PAQR3: variants seen among roughly 807,000 people sequenced by gnomAD.
PAQR3 encodes the protein Raf kinase trapping to Golgi.
In PAQR3, 39 loss-of-function variants were observed where a neutral mutation model predicts 41.7. That is an observed-to-expected ratio of 0.93 (90% CI 0.72 to 1.22). PAQR3 has a LOEUF of 1.22. Ranked by LOEUF, PAQR3 falls within the 50% of genes most tolerant of loss-of-function variation. The pLI is 0.00. For synonymous variants in PAQR3, 140 were observed against 140.6 expected, an observed-to-expected ratio of 1.00 and a Z score of 0.03; for missense variants, 366 against 385.6, an observed-to-expected ratio of 0.95 and a Z score of 0.42.
chr4:78,910,716 T>G, downstream of PAQR3: 1 of 1,613,338 alleles, frequency 6.2e-7, no homozygotes. Context: ...ATCAGCGGAC[T>G]GGAAAGAAAA....
At chr4:78,892,775 A>G (rs530271495) in intron 11 of PAQR3, among the ~76,000 whole-genome samples, 1 of 152,296 alleles carries the variant, frequency 6.6e-6, no homozygotes, top group African/African-American at 2.4e-5. Flanking sequence ...TCTGTTAAGT[A>G]TGCAATAATA....
chr4:78,928,993 C>T (rs893771939), intron 3 of PAQR3, among the ~76,000 whole-genome samples: 3 of 152,204 alleles, frequency 2.0e-5, no homozygotes, highest in Non-Finnish European at 2.9e-5. Context: ...GAGAATCTAA[C>T]GCTGCTGCTG....
rs567623495 is a variant in PAQR3, at chr4:78,918,855, A to C, written c.*1684T>G. The C allele has an allele frequency of 3.0e-6, 3 of 984,576 alleles. No homozygotes were observed. The African/African-American group carries it at 5.2e-5, about 17-fold the overall frequency. 61.0% of individuals were successfully genotyped at this position (984,576 alleles called of 1,614,324 possible). A position where few individuals can be genotyped will look rare whatever the true frequency, so the allele number is the denominator to read the frequency against. On this transcript the variant is annotated 3_prime_UTR_variant, in exon 6 of 6. Transcript: ENST00000512733. ...AAAGGCAATAAAATCATGTAAGCCA[A>C]TAAGGGATGTTCTAGGAGAAATATA...
At chr4:78,928,796 C>T (rs926362853) in intron 3 of PAQR3, among the ~76,000 whole-genome samples, 19 of 152,208 alleles carry the variant, frequency 1.2e-4, no homozygotes, top group African/African-American at 4.1e-4. Context: ...ATTATTATTA[C>T]ATTGTAATAT....
In PAQR3 at chr4:78,912,684, T is replaced by A. The variant is rs1734713558; in HGVS notation, c.*7855A>T. On this transcript the variant is annotated 3_prime_UTR_variant, in exon 6 of 6. Coordinates refer to ENST00000512733, the MANE Select transcript of PAQR3 (RefSeq NM_001040202.2). Reference sequence around the variant, plus strand: ...GCATATGAAATAATGTGTAATTAGCTCAATTTAACTATTCCACAACTTACA... The same window carrying A: ...GCATATGAAATAATGTGTAATTAGCACAATTTAACTATTCCACAACTTACA... The A allele has an allele frequency of 6.6e-6, 1 of 152,192 alleles. No homozygotes were observed. Among genetic ancestry groups the A allele is most frequent in the Non-Finnish European group, 1.5e-5 (1 of 68,032 alleles). 9.4% of individuals were successfully genotyped at this position (152,192 alleles called of 1,614,324 possible).
rs1006104349 is a variant in PAQR3, at chr4:78,890,635, C to A, written c.*837-2487G>T. Among the ~76,000 whole-genome samples, 14 of 151,860 alleles carry A rather than the reference C, an allele frequency of 9.2e-5. No individual in the cohort carries two copies. The East Asian group carries it at 2.7e-3, about 29-fold the overall frequency. On this transcript the variant is annotated intron_variant and NMD_transcript_variant, in intron 11 of 12. Transcript: ENST00000342820. ...TTTGTTTGCTTAGTTTTTTATGTAC[C>A]CTATCATTGATTAATCTTCATTTAG...
chr4:78,900,460 A>G (rs1397270898), intron 11 of PAQR3, among the ~76,000 whole-genome samples: 2 of 152,220 alleles, frequency 1.3e-5, no homozygotes, highest in Non-Finnish European at 2.9e-5. Flanking sequence ...TATTCTGGAG[A>G]GATAAAGTCA....
At chr4:78,911,213 G>A (rs759635246), downstream of PAQR3, 4 of 1,613,894 alleles carry the variant, frequency 2.5e-6, no homozygotes, top group East Asian at 8.9e-5. Context: ...CCTGCTGCAG[G>A]ACTGGAGCAG....
chr4:78,921,313 C>T (rs7666364), intron 5 of PAQR3, among the ~76,000 whole-genome samples: 6,871 of 151,892 alleles, frequency 0.045, 219 homozygotes, highest in Middle Eastern at 0.13. Flanking sequence ...AATTAACATA[C>T]GGAAAACTTC....
intron 11 of PAQR3, among the ~76,000 whole-genome samples, chr4:78,894,354 G>A (rs1437347787): frequency 6.6e-6 from 1 of 152,160 alleles, no homozygotes; most frequent in Non-Finnish European, 1.5e-5. Flanking sequence ...CTGTTGTTTA[G>A]TGTAGCCACC....
chr4:78,927,571 G>T (rs1228575043), intron 3 of PAQR3, among the ~76,000 whole-genome samples: 3 of 152,230 alleles, frequency 2.0e-5, no homozygotes, highest in Admixed American at 6.5e-5. Context: ...GTGTGAGAGG[G>T]CAGTAGAGGA....
At chr4:78,905,855 G>A (rs909062793) in intron 11 of PAQR3, among the ~76,000 whole-genome samples, 3 of 151,820 alleles carry the variant, frequency 2.0e-5, no homozygotes, top group Non-Finnish European at 2.9e-5. Context: ...GCAAAGAAAT[G>A]GAGTATGAAG....
At position 78,916,558 on chromosome 4, in the gene PAQR3, C is replaced by T. The variant is rs987040019; in HGVS notation, c.*3981G>A. The T allele has an allele frequency of 3.3e-5, 5 of 151,772 alleles. No individual in the cohort carries two copies. Among genetic ancestry groups the T allele is most frequent in the African/African-American group, 1.2e-4 (5 of 41,380 alleles). 9.4% of individuals were successfully genotyped at this position (151,772 alleles called of 1,614,324 possible). On this transcript the variant is annotated 3_prime_UTR_variant, in exon 6 of 6. Coordinates refer to ENST00000512733, the MANE Select transcript of PAQR3 (RefSeq NM_001040202.2). The stretch of plus-strand genomic sequence containing the variant: ...AGAGTTTACAATTTAGGTAAGAAAA[C>T]CCATTTGACTTAAGAGTTTTTGCCA...
Position 78,912,846 on chromosome 4 carries a change from A to G in PAQR3, c.*7693T>C, listed in dbSNP as rs1196694285. The G allele has an allele frequency of 6.6e-6, 1 of 152,196 alleles. No individual in the cohort carries two copies. The highest frequency in any genetic ancestry group is 1.5e-5 in the Non-Finnish European group (1 of 68,028). 9.4% of individuals were successfully genotyped at this position (152,196 alleles called of 1,614,324 possible). A position where few individuals can be genotyped will look rare whatever the true frequency, so the allele number is the denominator to read the frequency against. On this transcript the variant is annotated 3_prime_UTR_variant, in exon 6 of 6. Transcript: ENST00000512733. ...AATATCTGACATTTGTAAAGAAATT[A>G]TAAGAAGAAAAAAAGATACAGAACA...
At chr4:78,904,162 G>A (rs959650806) in intron 11 of PAQR3, among the ~76,000 whole-genome samples, 5 of 151,966 alleles carry the variant, frequency 3.3e-5, no homozygotes, top group Admixed American at 2.0e-4. Flanking sequence ...TCTTTGAAAC[G>A]ATAGGAAGTC....
At chr4:78,926,841 G>A (rs1385202759) in intron 3 of PAQR3, 123 bp from the exon 4 acceptor site, 3 of 809,630 alleles carry the variant, frequency 3.7e-6, no homozygotes, top group African/African-American at 3.5e-5. Flanking sequence ...TTTCAAAATA[G>A]GATTATCTCC....
In PAQR3 at chr4:78,915,304, G is replaced by C. The variant is rs528261900; in HGVS notation, c.*5235C>G. 1 of 152,114 alleles carries C rather than the reference G, an allele frequency of 6.6e-6. No homozygotes were observed. Among genetic ancestry groups the C allele is most frequent in the Non-Finnish European group, 1.5e-5 (1 of 67,928 alleles). The allele number at this position is 152,114 out of a possible 1,614,324, so 9.4% of individuals were successfully genotyped here. ...CTTCTATGCTGAAGTTCACCAGGCA[G>C]AGCAGTTTTCTTACAAGTCAGCTAC... On this transcript the variant is annotated 3_prime_UTR_variant, in exon 6 of 6. Transcript: ENST00000512733.
intron 2 of PAQR3, chr4:78,932,998 C>T (rs1416963219): frequency 2.8e-6 from 1 of 352,408 alleles, no homozygotes; most frequent in Admixed American, 3.7e-5. Context: ...AACAAAATAC[C>T]TCATGATTTG....
chr4:78,926,547 C>T lies in PAQR3; in HGVS notation c.676G>A (p.Gly226Arg), dbSNP rs1350535600. ...TGTACAATAGGAGCACCAATTCCTC[C>T]ATTGAGCCAAACCCAGTGAAGAGTA... ...IPTLHWVWLN[G>R]GIGAPIVQDF... The change falls in exon 4 of 6, where the codon GGA becomes AGA. Residue 226 changes from glycine to arginine, a missense_variant. Gly to Arg is a moderately radical substitution (Grantham distance 125). Transcript: ENST00000512733. 1.2e-6 allele frequency: 2 copies of T among 1,613,476 alleles called. No homozygotes were observed. The highest frequency in any genetic ancestry group is 1.7e-6 in the Non-Finnish European group (2 of 1,179,678).
Sources: allele counts gnomAD v4.1 joint callset (sites outside exome capture counted in the v4.1 genomes callset), GRCh38; gene constraint gnomAD v4.1.1; transcripts MANE v1.5; gene names NCBI Gene and HGNC (gene_info 2026-07-23, HGNC 2026-07-21).